Variants in COLEC12 observed in about 807,000 individuals in gnomAD.
COLEC12 encodes collectin-12.
In COLEC12, 33 loss-of-function variants were observed where a neutral mutation model predicts 71.1. The observed-to-expected ratio is 0.46, with a 90% confidence interval of 0.35 to 0.62. The LOEUF is 0.62. Among genes scored for constraint, COLEC12 ranks in the 20% least tolerant of loss-of-function variants. The pLI is 0.00. For missense variants in COLEC12, 765 were observed against 916.1 expected, an observed-to-expected ratio of 0.84 and a Z score of 2.13; for synonymous variants, 350 against 353.0, an observed-to-expected ratio of 0.99 and a Z score of 0.10.
In COLEC12 at chr18:319,339, A is replaced by ATAT. The variant is rs57135576; in HGVS notation, c.*705_*706insATA. 1.4e-3 allele frequency: 57 copies of ATAT among 40,500 alleles called. No homozygotes were observed. Among genetic ancestry groups the ATAT allele is most frequent in the East Asian group, 7.9e-3 (16 of 2,018 alleles). 2.5% of individuals were successfully genotyped at this position (40,500 alleles called of 1,614,324 possible). On this transcript the variant is annotated 3_prime_UTR_variant, in exon 10 of 10. Coordinates refer to ENST00000400256, the MANE Select transcript of COLEC12 (RefSeq NM_130386.3). The stretch of plus-strand genomic sequence containing the variant: ...GAAACATTAAAAAAAAAAAAAAAAA[A>ATAT]AAATATATATATATATATATATATA...
chr18:465,079 G>A (rs1046990365), intron 2 of COLEC12, among the ~76,000 whole-genome samples: 5 of 152,172 alleles, frequency 3.3e-5, no homozygotes, highest in African/African-American at 1.2e-4. Context: ...GGGGAGATGG[G>A]AACAGACTTA....
intron 2 of COLEC12, among the ~76,000 whole-genome samples, chr18:373,242 C>T (rs1277806140): frequency 6.6e-6 from 1 of 152,304 alleles, no homozygotes; most frequent in South Asian, 2.1e-4. Flanking sequence ...GTAAGCTCAT[C>T]CTATTTGATC....
intron 2 of COLEC12, among the ~76,000 whole-genome samples, chr18:374,806 C>T (rs913315108): frequency 7.9e-5 from 12 of 152,112 alleles, no homozygotes; most frequent in African/African-American, 1.9e-4. Flanking sequence ...GACAGCAACA[C>T]GTTATGCATG....
chr18:422,168 ATAAACCCTT>A (rs1262563128), intron 2 of COLEC12, among the ~76,000 whole-genome samples: 1 of 152,196 alleles, frequency 6.6e-6, no homozygotes, highest in Non-Finnish European at 1.5e-5. Context: ...CAGTCAAGAC[ATAAACCCTT>A]AAGAACACCT....
intron 1 of COLEC12, among the ~76,000 whole-genome samples, chr18:493,769 T>C (rs1917660569): frequency 6.6e-6 from 1 of 152,208 alleles, no homozygotes. Context: ...ATATGACAGC[T>C]TAATGGAAAA....
At chr18:465,973 C>G (rs975051258) in intron 2 of COLEC12, among the ~76,000 whole-genome samples, 1 of 152,168 alleles carries the variant, frequency 6.6e-6, no homozygotes, top group Non-Finnish European at 1.5e-5. Flanking sequence ...ACTTGGGCGG[C>G]AGGAGAATTG....
intron 2 of COLEC12, among the ~76,000 whole-genome samples, chr18:425,639 C>T (rs1355934105): frequency 6.6e-6 from 1 of 152,204 alleles, no homozygotes; most frequent in Non-Finnish European, 1.5e-5. Flanking sequence ...TAAAGACACA[C>T]AGCCCCCACG....
intron 2 of COLEC12, among the ~76,000 whole-genome samples, chr18:423,108 A>G (rs59903385): frequency 0.45 from 35,887 of 79,120 alleles, 4,559 homozygotes; most frequent in Middle Eastern, 0.6. Flanking sequence ...CCATCTCTAA[A>G]AAAACAAAAA....
At chr18:325,572 C>T (rs1434637868) in intron 8 of COLEC12, among the ~76,000 whole-genome samples, 7 of 148,408 alleles carry the variant, frequency 4.7e-5, no homozygotes, top group Non-Finnish European at 7.4e-5. Flanking sequence ...CAATGACAGT[C>T]TCCCAATCAC....
At chr18:422,058 A>C (rs1326153574) in intron 2 of COLEC12, among the ~76,000 whole-genome samples, 1 of 152,184 alleles carries the variant, frequency 6.6e-6, no homozygotes, top group Non-Finnish European at 1.5e-5. Flanking sequence ...CATGGCTGAG[A>C]GTACAAAGGC....
At chr18:455,206 G>C (rs967445601) in intron 2 of COLEC12, among the ~76,000 whole-genome samples, 2 of 151,986 alleles carry the variant, frequency 1.3e-5, no homozygotes, top group Non-Finnish European at 2.9e-5. Flanking sequence ...GAAATGAAAG[G>C]CATTGTGATG....
intron 1 of COLEC12, among the ~76,000 whole-genome samples, chr18:486,407 A>T (rs1180642486): frequency 6.6e-6 from 1 of 151,278 alleles, no homozygotes. Context: ...CTGGCCTCAA[A>T]CTCCTGGTCT....
chr18:338,255 C>A (rs1363078491), intron 5 of COLEC12, among the ~76,000 whole-genome samples: 1 of 152,242 alleles, frequency 6.6e-6, no homozygotes, highest in Non-Finnish European at 1.5e-5. Context: ...GTTTGTTCTA[C>A]TCAAGACCCT....
chr18:430,369 C>T (rs1249923351), intron 2 of COLEC12, among the ~76,000 whole-genome samples: 3 of 151,864 alleles, frequency 2.0e-5, no homozygotes, highest in Non-Finnish European at 2.9e-5. Flanking sequence ...ACAAATAAAT[C>T]CTTTGGAGAA....
At chr18:479,550 T>TCTCTCTCA (rs1555622841) in intron 2 of COLEC12, among the ~76,000 whole-genome samples, 8 of 149,304 alleles carry the variant, frequency 5.4e-5, no homozygotes, top group Non-Finnish European at 8.9e-5. Context: ...TCTCTCTCTC[T>TCTCTCTCA]CACACACACA....
At chr18:455,317 A>G (rs569180485) in intron 2 of COLEC12, among the ~76,000 whole-genome samples, 6 of 139,672 alleles carry the variant, frequency 4.3e-5, no homozygotes, top group Admixed American at 1.5e-4. Flanking sequence ...TCACTCTGTC[A>G]CCCAGGCTGG....
In COLEC12 at chr18:319,305, T is replaced by C. The variant is rs571952227; in HGVS notation, c.*740A>G. The C allele has an allele frequency of 6.5e-5, 8 of 123,142 alleles. No homozygotes were observed. The East Asian group carries it at 1.8e-3, about 27-fold the overall frequency. The allele number at this position is 123,142 out of a possible 1,614,324, so 7.6% of individuals were successfully genotyped here. A position where few individuals can be genotyped will look rare whatever the true frequency, so the allele number is the denominator to read the frequency against. ...AGACATTCCAAGTGATTGGTTCCTC[T>C]GAGGAAATGAAACATTAAAAAAAAA... On this transcript the variant is annotated 3_prime_UTR_variant, in exon 10 of 10. Coordinates refer to ENST00000400256, the MANE Select transcript of COLEC12 (RefSeq NM_130386.3).
intron 2 of COLEC12, among the ~76,000 whole-genome samples, chr18:477,831 GGAGT>G (rs1273865273): frequency 4.6e-5 from 7 of 152,198 alleles, no homozygotes; most frequent in Non-Finnish European, 1.0e-4. Flanking sequence ...TCAAGACACA[GGAGT>G]GATTAGGGGC....
chr18:438,145 TG>T (rs1916443063), intron 2 of COLEC12, among the ~76,000 whole-genome samples: 1 of 152,200 alleles, frequency 6.6e-6, no homozygotes, highest in South Asian at 2.1e-4. Flanking sequence ...GGAATTAATT[TG>T]GTCATACAGA....
Sources: allele counts gnomAD v4.1 joint callset (sites outside exome capture counted in the v4.1 genomes callset), GRCh38; gene constraint gnomAD v4.1.1; transcripts MANE v1.5; gene names NCBI Gene and HGNC (gene_info 2026-07-23, HGNC 2026-07-21).